GNAQ: variants seen among roughly 807,000 people sequenced by gnomAD.
The protein encoded by GNAQ is guanine nucleotide-binding protein G(q) subunit alpha.
Under a neutral mutation model 43.9 loss-of-function variants are expected in GNAQ, and 8 were observed. That is an observed-to-expected ratio of 0.18 (90% CI 0.11 to 0.33). The LOEUF is 0.33. Among genes scored for constraint, GNAQ ranks in the 10% least tolerant of loss-of-function variants. The pLI is 1.00. For missense variants in GNAQ, 158 were observed against 450.8 expected (o/e 0.35, Z 5.88); for synonymous variants, 155 against 170.7 (o/e 0.91, Z 0.71).
intron 2 of GNAQ, among the ~76,000 whole-genome samples, chr9:77,847,876 C>T (rs138215962): frequency 4.6e-5 from 7 of 152,212 alleles, no homozygotes; most frequent in African/African-American, 1.7e-4. Context: ...AATCTGCCTG[C>T]CCATGGGGCC....
chr9:77,817,647 C>A (rs1287133232), intron 2 of GNAQ, among the ~76,000 whole-genome samples: 1 of 152,202 alleles, frequency 6.6e-6, no homozygotes, highest in Non-Finnish European at 1.5e-5. Flanking sequence ...ATAATGAATA[C>A]ATCTACAACG....
At chr9:77,851,224 A>T (rs1038384216) in intron 2 of GNAQ, among the ~76,000 whole-genome samples, 1 of 152,168 alleles carries the variant, frequency 6.6e-6, no homozygotes, top group African/African-American at 2.4e-5. Flanking sequence ...GGAAAGAAAA[A>T]GACTGAGACA....
chr9:77,943,857 T>C (rs1478818809), intron 1 of GNAQ, among the ~76,000 whole-genome samples: 1 of 151,804 alleles, frequency 6.6e-6, no homozygotes, highest in African/African-American at 2.4e-5. Context: ...AGTAGAGATG[T>C]GGTTTTGCCA....
chr9:77,953,067 C>T (rs1376675049), intron 1 of GNAQ, among the ~76,000 whole-genome samples: 5 of 152,158 alleles, frequency 3.3e-5, no homozygotes, highest in Non-Finnish European at 7.4e-5. Context: ...GTTCCAAGTA[C>T]AGCAGCTCTG....
intron 5 of GNAQ, among the ~76,000 whole-genome samples, chr9:77,732,594 G>A (rs1414579332): frequency 2.0e-5 from 3 of 152,126 alleles, no homozygotes; most frequent in African/African-American, 7.2e-5. Flanking sequence ...ATGAACTCCT[G>A]ACCTCAAGTG....
intron 1 of GNAQ, among the ~76,000 whole-genome samples, chr9:77,984,049 C>CAAAAAAAAAAAAA (rs72279886): frequency 1.0e-4 from 7 of 67,962 alleles, no homozygotes; most frequent in African/African-American, 3.3e-4. Flanking sequence ...TTTTGGAGAG[C>CAAAAAAAAAAAAA]AAAAAAAAAA....
intron 2 of GNAQ, among the ~76,000 whole-genome samples, chr9:77,842,216 T>G (rs939311331): frequency 1.3e-5 from 2 of 152,150 alleles, no homozygotes; most frequent in African/African-American, 4.8e-5. Flanking sequence ...TAGCTATTAT[T>G]AGGAAAGGAT....
chr9:77,997,319 T>TC (rs1335787106), intron 1 of GNAQ, among the ~76,000 whole-genome samples: 1 of 152,164 alleles, frequency 6.6e-6, no homozygotes, highest in Non-Finnish European at 1.5e-5. Flanking sequence ...TTCAGCCCCC[T>TC]CCTACATTCA....
chr9:77,912,993 T>A (rs1354972084), intron 2 of GNAQ, among the ~76,000 whole-genome samples: 1 of 152,028 alleles, frequency 6.6e-6, no homozygotes. Flanking sequence ...AAACTAGTAA[T>A]ACCAGCCATG....
At chr9:77,875,478 C>T (rs973586942) in intron 2 of GNAQ, among the ~76,000 whole-genome samples, 1 of 152,176 alleles carries the variant, frequency 6.6e-6, no homozygotes, top group Non-Finnish European at 1.5e-5. Flanking sequence ...ACAGGCAGGT[C>T]CATCTACTTA....
intron 5 of GNAQ, among the ~76,000 whole-genome samples, chr9:77,787,895 T>A (rs1045255465): frequency 9.2e-5 from 14 of 152,134 alleles, no homozygotes; most frequent in Non-Finnish European, 1.8e-4. Flanking sequence ...CCGGGCATGG[T>A]GGCGCGTGCC....
At chr9:77,792,423 A>G (rs1261906730) in intron 5 of GNAQ, among the ~76,000 whole-genome samples, 1 of 152,168 alleles carries the variant, frequency 6.6e-6, no homozygotes, top group East Asian at 1.9e-4. Context: ...GGGAACTTTA[A>G]TTATGACACA....
At chr9:77,887,256 A>G (rs1235799147) in intron 2 of GNAQ, among the ~76,000 whole-genome samples, 1 of 152,250 alleles carries the variant, frequency 6.6e-6, no homozygotes, top group Non-Finnish European at 1.5e-5. Context: ...ATGAATCAAG[A>G]TTCCTGAATA....
rs1170254602 is a variant in GNAQ at position 77,720,719 on chromosome 9, C to G, written c.*604G>C. 4 of 233,198 alleles carry G rather than the reference C, an allele frequency of 1.7e-5. No individual in the cohort carries two copies. Among genetic ancestry groups the G allele is most frequent in the Non-Finnish European group, 2.5e-5 (3 of 117,912 alleles). 14.4% of individuals were successfully genotyped at this position (233,198 alleles called of 1,614,324 possible). ...CCAAAGTGAGACAAGACAGTATATT[C>G]TATTAAAAAAGAAACTATGTGTGTA... On this transcript the variant is annotated 3_prime_UTR_variant, in exon 7 of 7. Coordinates refer to ENST00000286548, the MANE Select transcript of GNAQ (RefSeq NM_002072.5).
chr9:77,977,970 C>A (rs1248652860), intron 1 of GNAQ, among the ~76,000 whole-genome samples: 2 of 152,190 alleles, frequency 1.3e-5, no homozygotes, highest in Non-Finnish European at 2.9e-5. Flanking sequence ...ACAGTAATGT[C>A]ATAGTATGCG....
chr9:77,920,036 T>G (rs200033639), intron 2 of GNAQ, among the ~76,000 whole-genome samples: 1 of 151,704 alleles, frequency 6.6e-6, no homozygotes, highest in Admixed American at 6.6e-5. Context: ...CTACTTGGGA[T>G]GCTGAGGCAG....
At chr9:78,011,189 G>A (rs571615474) in intron 1 of GNAQ, among the ~76,000 whole-genome samples, 3 of 152,286 alleles carry the variant, frequency 2.0e-5, no homozygotes, top group East Asian at 1.9e-4. Context: ...GTTCATAGTA[G>A]CCACTGCCAG....
intron 2 of GNAQ, among the ~76,000 whole-genome samples, chr9:77,855,239 A>G (rs1205756312): frequency 2.6e-5 from 4 of 152,234 alleles, no homozygotes; most frequent in African/African-American, 4.8e-5. Flanking sequence ...AGCAGAATCA[A>G]GAAAAATTAG....
intron 4 of GNAQ, among the ~76,000 whole-genome samples, chr9:77,795,140 A>C (rs1457616535): frequency 6.6e-6 from 1 of 152,044 alleles, no homozygotes; most frequent in Non-Finnish European, 1.5e-5. Flanking sequence ...CATGTTGGGC[A>C]TTTTTTTCTT....
Sources: allele counts gnomAD v4.1 joint callset (sites outside exome capture counted in the v4.1 genomes callset), GRCh38; gene constraint gnomAD v4.1.1; transcripts MANE v1.5; gene names NCBI Gene and HGNC (gene_info 2026-07-23, HGNC 2026-07-21).